KANK2: variants seen among roughly 807,000 people sequenced by gnomAD.
KANK2 encodes the protein KN motif and ankyrin repeat domains 2.
In KANK2, 41 loss-of-function variants were observed where a neutral mutation model predicts 74.6. That is an observed-to-expected ratio of 0.55 (90% CI 0.43 to 0.71). The LOEUF (loss-of-function observed/expected upper bound fraction) is 0.71, where lower values mean the gene tolerates loss of function less well. KANK2 is among the 30% of genes least tolerant of loss of function. KANK2 has a pLI of 0.00. For synonymous variants in KANK2, 537 were observed against 519.0 expected (o/e 1.03, Z -0.47); for missense variants, 1,148 against 1,196.4 (o/e 0.96, Z 0.60).
At position 11,193,650 on chromosome 19, in the gene KANK2, C is replaced by G; in HGVS notation, c.430G>C (p.Gly144Arg). Residue 144 changes from glycine (G) to arginine (R), a missense_variant, in exon 4 of 13, where the codon GGC becomes CGC. By Grantham distance (125) the Gly-to-Arg change is moderately radical. Transcript: ENST00000586659. The surrounding 1 kb of genome is among the most constrained non-coding windows in gnomAD (Gnocchi z 9.6). ...RLEDQAATPT[G>R]LGSLTPSAAG... ...GCACTGGGGGTCAGGGAGCCCAGGCCGGTGGGTGTGGCCGCCTGGTCCTCG... is the reference window on the plus strand; with the variant it reads ...GCACTGGGGGTCAGGGAGCCCAGGCGGGTGGGTGTGGCCGCCTGGTCCTCG... The G allele has an allele frequency of 6.2e-7, 1 of 1,600,054 alleles. No individual in the cohort carries two copies. The highest frequency in any genetic ancestry group is 1.1e-5 in the South Asian group (1 of 90,052).
intron 4 of KANK2, among the ~76,000 whole-genome samples, chr19:11,184,828 T>C (rs1387237463): frequency 6.7e-6 from 1 of 148,628 alleles, no homozygotes; most frequent in Admixed American, 6.8e-5. Context: ...TTTTTTTTTT[T>C]GAGATGAAGT....
At chr19:11,178,321 G>A (rs562101242) in intron 6 of KANK2, 24 bp downstream of exon 6, 7 of 540,706 alleles carry the variant, frequency 1.3e-5, no homozygotes, top group African/African-American at 1.1e-4. Flanking sequence ...GTATGGGGTG[G>A]GGGGTGGGGT....
At position 11,193,565 on chromosome 19, in the gene KANK2, G is replaced by C; in HGVS notation, c.515C>G (p.Ser172Ter). The C allele has an allele frequency of 6.3e-7, 1 of 1,594,740 alleles. No homozygotes were observed. The highest frequency in any genetic ancestry group is 8.5e-7 in the Non-Finnish European group (1 of 1,172,400). ...GGGAGGCACCGGTGTGGACAGTCCTGAACTCCGTGGTGTCGGGGGTGGCAA... is the reference window on the plus strand; with the variant it reads ...GGGAGGCACCGGTGTGGACAGTCCTCAACTCCGTGGTGTCGGGGGTGGCAA... ...VGLPPPTPRSSGLSTPVPPSA... is the reference protein window; with the variant it reads ...VGLPPPTPRS Residue 172 changes from serine to a stop codon, truncating the protein, a stop_gained, in exon 4 of 13, where the codon TCA (serine) becomes TGA (stop). Coordinates refer to ENST00000586659, the MANE Select transcript of KANK2 (RefSeq NM_001136191.3). LOFTEE classifies it high-confidence loss of function. This position sits in a 1 kb window ranked among gnomAD's most constrained non-coding sequence, Gnocchi z 9.6.
intron 3 of KANK2, 115 bp from the exon 4 acceptor site, chr19:11,194,157 G>T: frequency 8.7e-7 from 1 of 1,153,320 alleles, no homozygotes; most frequent in Non-Finnish European, 1.2e-6. Flanking sequence ...GAGCCCACCT[G>T]GTACTCAACC....
chr19:11,176,512 G>C lies in KANK2; in HGVS notation c.1760+66C>G, dbSNP rs1394040488. 4.7e-6 allele frequency: 7 copies of C among 1,499,926 alleles called. No individual in the cohort carries two copies. The East Asian group carries it at 1.4e-4, about 30-fold the overall frequency. 92.9% of individuals were successfully genotyped at this position (1,499,926 alleles called of 1,614,324 possible). A position where few individuals can be genotyped will look rare whatever the true frequency, so the allele number is the denominator to read the frequency against. On this transcript the variant is annotated intron_variant, in intron 7 of 12. Transcript: ENST00000586659. Reference sequence around the variant, plus strand: ...GGGTCCTTCAAAGGGCTTGAACGGTGGGGGTTTGAGGCAGAGGTCATCCAC... The same window carrying C: ...GGGTCCTTCAAAGGGCTTGAACGGTCGGGGTTTGAGGCAGAGGTCATCCAC...
intron 4 of KANK2, among the ~76,000 whole-genome samples, chr19:11,182,862 A>AT (rs1389625949): frequency 3.5e-5 from 5 of 144,026 alleles, no homozygotes; most frequent in African/African-American, 1.3e-4. Flanking sequence ...AAAAAAAAAA[A>AT]GTAAAAAAAA....
chr19:11,176,033 C>A (rs372858729), intron 7 of KANK2, 44 bp from the exon 8 acceptor site: 2 of 1,486,006 alleles, frequency 1.3e-6, no homozygotes, highest in Non-Finnish European at 1.9e-6. Flanking sequence ...AGCCCCGCTG[C>A]GGTGCCTGGG....
intron 12 of KANK2, among the ~76,000 whole-genome samples, chr19:11,167,678 C>A (rs1236191411): frequency 6.6e-6 from 1 of 152,006 alleles, no homozygotes; most frequent in Non-Finnish European, 1.5e-5. Flanking sequence ...CAGGTGCCCA[C>A]CACCACACCC....
chr19:11,193,786 T>C lies in KANK2; in HGVS notation c.294A>G (p.Ser98=). The C allele has an allele frequency of 6.2e-7, 1 of 1,612,696 alleles. No individual in the cohort carries two copies. The highest frequency in any genetic ancestry group is 1.1e-5 in the South Asian group (1 of 91,088). Residue 98 remains serine (S), a synonymous_variant, in exon 4 of 13, where the codon TCA becomes TCG. Transcript: ENST00000586659. The surrounding 1 kb of genome is among the most constrained non-coding windows in gnomAD (Gnocchi z 9.6). The part of the protein sequence containing the change: ...CSNASGDSRH[S]AYSYCGRGFY... ...AGCCACGGCCGCAGTAGGAATAGGC[T>C]GAGTGGCGGCTGTCCCCACTGGCAT...
chr19:11,193,878 G>T lies in KANK2; in HGVS notation c.202C>A (p.Pro68Thr). The T allele has an allele frequency of 3.7e-6, 6 of 1,613,490 alleles. No homozygotes were observed. The highest frequency in any genetic ancestry group is 5.1e-6 in the Non-Finnish European group (6 of 1,179,878). ...CCACGGGGCAGCGAGCTCAGGCGGG[G>T]GCGGCGCTGCACTGCCACGCGTCGC... is the stretch of plus-strand genomic sequence containing the variant. ...TLRRVAVQRR[P>T]RLSSLPRGPG... The change falls in exon 4 of 13, where the codon CCC becomes ACC. Residue 68 changes from proline to threonine, a missense_variant. Coordinates refer to ENST00000586659, the MANE Select transcript of KANK2 (RefSeq NM_001136191.3). The surrounding 1 kb of genome is among the most constrained non-coding windows in gnomAD (Gnocchi z 9.6).
In KANK2 at chr19:11,170,718, G is replaced by A. The variant is rs1165489207; in HGVS notation, c.2212-470C>T. On this transcript the variant is annotated intron_variant, in intron 10 of 12. Transcript: ENST00000586659. The surrounding 1 kb of genome is among the most constrained non-coding windows in gnomAD (Gnocchi z 5.2). ...TGATCCTCCCACCTCAGCCTCCCGA[G>A]TAGCTGAGACTACAGGCATGCGCCA... Among the ~76,000 whole-genome samples the A allele has an allele frequency of 6.6e-6, 1 of 152,162 alleles. No homozygotes were observed. The highest frequency in any genetic ancestry group is 6.5e-5 in the Admixed American group (1 of 15,274).
chr19:11,186,268 A>G (rs2147542191), intron 4 of KANK2, among the ~76,000 whole-genome samples: 2 of 151,792 alleles, frequency 1.3e-5, no homozygotes, highest in South Asian at 4.2e-4. Context: ...GGTGCCTGTA[A>G]TCCCAGCTAC....
intron 4 of KANK2, chr19:11,192,431 CTTTTT>C (rs34285924): frequency 5.2e-4 from 83 of 159,706 alleles, no homozygotes; most frequent in East Asian, 7.9e-4. Flanking sequence ...CCTTGGCATT[CTTTTT>C]TTTTTTTTTT....
Position 11,178,576 on chromosome 19 carries a change from T to C in KANK2, c.1394A>G (p.Glu465Gly). Residue 465 changes from glutamate (E) to glycine (G), a missense_variant, in exon 5 of 13, where the codon GAG becomes GGG. Glu to Gly is a moderately conservative substitution (Grantham distance 98). Coordinates refer to ENST00000586659, the MANE Select transcript of KANK2 (RefSeq NM_001136191.3). ...REPTRQAASQ[E>G]SEEAGGTGGP... ...ACCGGTGCCCCCGGCCTCCTCGGAC[T>C]CTTGGGAGGCTGCTTGCCTGGTGGG... The C allele has an allele frequency of 6.2e-7, 1 of 1,604,408 alleles. No homozygotes were observed. Among genetic ancestry groups the C allele is most frequent in the Non-Finnish European group, 8.5e-7 (1 of 1,176,230 alleles).
rs781255598 is a variant in KANK2 at position 11,170,021 on chromosome 19, C to A, written c.2412+27G>T. The A allele has an allele frequency of 2.8e-5, 45 of 1,612,034 alleles. No homozygotes were observed. Among genetic ancestry groups the A allele is most frequent in the Non-Finnish European group, 3.8e-5 (45 of 1,178,240 alleles). Reference sequence around the variant, plus strand: ...TCCCCATGCTGTGCTCCCGCCCTCCCCGGGGTGCACCTGGTTGGAGACTCA... The same window carrying A: ...TCCCCATGCTGTGCTCCCGCCCTCCACGGGGTGCACCTGGTTGGAGACTCA... On this transcript the variant is annotated intron_variant, in intron 11 of 12. Coordinates refer to ENST00000586659, the MANE Select transcript of KANK2 (RefSeq NM_001136191.3). The surrounding 1 kb of genome is among the most constrained non-coding windows in gnomAD (Gnocchi z 5.2).
intron 4 of KANK2, among the ~76,000 whole-genome samples, chr19:11,188,998 A>C (rs991688981): frequency 6.6e-6 from 1 of 151,604 alleles, no homozygotes; most frequent in Non-Finnish European, 1.5e-5. Context: ...AAAAAAAAAA[A>C]ATGCTCCTTT....
chr19:11,168,421 G>A (rs558262493), intron 12 of KANK2, among the ~76,000 whole-genome samples: 3 of 151,884 alleles, frequency 2.0e-5, no homozygotes, highest in South Asian at 2.1e-4. Context: ...TCAGCCTCCC[G>A]AGTAGCTGGG....
chr19:11,196,276 T>A (rs962132768), intron 1 of KANK2: 1 of 152,286 alleles, frequency 6.6e-6, no homozygotes, highest in African/African-American at 2.4e-5. Flanking sequence ...CAGGCTGGTC[T>A]CGAACTCCTG....
At chr19:11,189,079 T>C (rs1406440324) in intron 4 of KANK2, among the ~76,000 whole-genome samples, 2 of 149,430 alleles carry the variant, frequency 1.3e-5, no homozygotes, top group East Asian at 2.0e-4. Context: ...TGATGAACAC[T>C]TGACATGAAT....
Sources: gnomAD v4.1 joint callset for allele counts (sites outside exome capture counted in the v4.1 genomes callset) on GRCh38, gnomAD v4.1.1 for gene constraint, Gnocchi (gnomAD v3.1) non-coding constraint, MANE v1.5 for transcripts, NCBI Gene and HGNC (gene_info 2026-07-23, HGNC 2026-07-21) for gene names.